THSD7A: variants seen among roughly 807,000 people sequenced by gnomAD.
THSD7A encodes the protein thrombospondin type-1 domain-containing protein 7A.
In THSD7A, 96 loss-of-function variants were observed where a neutral mutation model predicts 231.3. The ratio of observed to expected loss-of-function variants is 0.41; its 90% CI spans 0.35 to 0.49. The LOEUF (loss-of-function observed/expected upper bound fraction) is 0.49, where lower values mean the gene tolerates loss of function less well. Ranked by LOEUF, THSD7A falls within the 20% of genes least tolerant of loss-of-function variation. The pLI, the probability that THSD7A is intolerant of heterozygous loss-of-function variation, is 0.05. For synonymous variants in THSD7A, 940 were observed against 743.3 expected (o/e 1.26, Z -4.30); for missense variants, 2,290 against 2,070.2 (o/e 1.11, Z -2.06).
At chr7:11,490,717 A>C (rs1407201508) in intron 6 of THSD7A, among the ~76,000 whole-genome samples, 1 of 152,016 alleles carries the variant, frequency 6.6e-6, no homozygotes. Context: ...TAAGCTTGAA[A>C]TGACCTAAAA....
chr7:11,765,387 A>G (rs569363140), intron 1 of THSD7A, among the ~76,000 whole-genome samples: 4 of 152,226 alleles, frequency 2.6e-5, no homozygotes, highest in Non-Finnish European at 5.9e-5. Context: ...GAGATATACT[A>G]GGTGATATCC....
At chr7:11,413,306 A>T (rs552885855) in intron 17 of THSD7A, among the ~76,000 whole-genome samples, 1 of 152,076 alleles carries the variant, frequency 6.6e-6, no homozygotes, top group Admixed American at 6.5e-5. Flanking sequence ...AAAAAAAAAT[A>T]AAGTTCTAAG....
At chr7:11,617,668 G>C (rs1001891032) in intron 2 of THSD7A, among the ~76,000 whole-genome samples, 12 of 152,158 alleles carry the variant, frequency 7.9e-5, no homozygotes, top group Admixed American at 2.0e-4. Context: ...TGTTACGTTA[G>C]ATTTACCTTT....
intron 1 of THSD7A, among the ~76,000 whole-genome samples, chr7:11,768,229 C>T (rs1259295127): frequency 1.3e-5 from 2 of 152,044 alleles, no homozygotes; most frequent in Admixed American, 6.6e-5. Flanking sequence ...TTGCAAAAGA[C>T]CTTGGGCCAT....
At chr7:11,552,469 A>C (rs1789672154) in intron 4 of THSD7A, among the ~76,000 whole-genome samples, 1 of 152,104 alleles carries the variant, frequency 6.6e-6, no homozygotes, top group Non-Finnish European at 1.5e-5. Context: ...AAATAGAATA[A>C]TCAGCCACAA....
chr7:11,693,091 T>C (rs750836408), intron 1 of THSD7A, among the ~76,000 whole-genome samples: 65 of 151,682 alleles, frequency 4.3e-4, no homozygotes, highest in Admixed American at 7.3e-4. Flanking sequence ...ATGAAATGAA[T>C]GAACTTTTCA....
At chr7:11,547,318 A>T (rs931926766) in intron 4 of THSD7A, among the ~76,000 whole-genome samples, 7 of 152,228 alleles carry the variant, frequency 4.6e-5, no homozygotes, top group African/African-American at 1.7e-4. Context: ...CCTTGAATAT[A>T]AATAGGCTAA....
intron 1 of THSD7A, among the ~76,000 whole-genome samples, chr7:11,693,618 C>T (rs1369419962): frequency 6.6e-6 from 1 of 151,434 alleles, no homozygotes; most frequent in South Asian, 2.1e-4. Flanking sequence ...AAGTAGTGGG[C>T]TTCGTGTCAG....
intron 2 of THSD7A, among the ~76,000 whole-genome samples, chr7:11,627,743 G>A (rs1409089089): frequency 6.6e-6 from 1 of 152,042 alleles, no homozygotes; most frequent in Non-Finnish European, 1.5e-5. Flanking sequence ...TTATAATTTT[G>A]GTCAGACCAG....
At chr7:11,420,020 A>T (rs376894321) in intron 16 of THSD7A, among the ~76,000 whole-genome samples, 1 of 152,208 alleles carries the variant, frequency 6.6e-6, no homozygotes, top group Admixed American at 6.5e-5. Context: ...TTATTTGGAT[A>T]AACAAGTAAA....
intron 1 of THSD7A, among the ~76,000 whole-genome samples, chr7:11,670,887 G>A (rs900594901): frequency 7.9e-5 from 12 of 152,102 alleles, no homozygotes; most frequent in African/African-American, 2.4e-4. Context: ...AACACCTTTG[G>A]CTAAATGCTT....
chr7:11,461,990 G>C, intron 10 of THSD7A, 21 bp downstream of exon 10: 1 of 1,609,098 alleles, frequency 6.2e-7, no homozygotes, highest in Non-Finnish European at 8.5e-7. Flanking sequence ...CCTCCCTCAC[G>C]ATGCATTTCT....
Position 11,589,049 on chromosome 7 carries a change from G to C in THSD7A, c.1453+1411C>G, listed in dbSNP as rs1780043746. Among the ~76,000 whole-genome samples, 4 of 151,968 alleles carry C rather than the reference G, an allele frequency of 2.6e-5. 1 individual carries two copies. In the South Asian group the frequency reaches 8.3e-4, roughly 32 times the overall value. On this transcript the variant is annotated intron_variant, in intron 4 of 27. Transcript: ENST00000423059. The stretch of plus-strand genomic sequence containing the variant: ...CACTGGTGTCAGTCCTTTTTGGGAG[G>C]GGCAGAGAAGCCATCTCTTCTTTGG...
At chr7:11,432,369 G>GTAGTC (rs1784502504) in intron 13 of THSD7A, among the ~76,000 whole-genome samples, 2 of 152,004 alleles carry the variant, frequency 1.3e-5, no homozygotes, top group African/African-American at 4.8e-5. Flanking sequence ...ACTTCGTATT[G>GTAGTC]TAGTCTTCAT....
chr7:11,406,580 G>C lies in THSD7A; in HGVS notation c.4063-106C>G, dbSNP rs1783590163. The C allele has an allele frequency of 1.6e-6, 2 of 1,266,248 alleles. No homozygotes were observed. The highest frequency in any genetic ancestry group is 2.1e-6 in the Non-Finnish European group (2 of 936,590). 78.4% of individuals were successfully genotyped at this position (1,266,248 alleles called of 1,614,324 possible). A position where few individuals can be genotyped will look rare whatever the true frequency, so the allele number is the denominator to read the frequency against. ...ACTGACTTTGATTTATGAACATTTA[G>C]AGAAGGATTTGAAACCCTAGGGAAG... On this transcript the variant is annotated intron_variant, in intron 21 of 27. Coordinates refer to ENST00000423059, the MANE Select transcript of THSD7A (RefSeq NM_015204.3). The surrounding 1 kb of genome is among the most constrained non-coding windows in gnomAD (Gnocchi z 4.7).
intron 6 of THSD7A, among the ~76,000 whole-genome samples, chr7:11,524,474 G>A (rs963251162): frequency 2.6e-5 from 4 of 152,116 alleles, no homozygotes; most frequent in African/African-American, 4.8e-5. Context: ...GTATTTCAAC[G>A]AACCTTTAAG....
intron 1 of THSD7A, among the ~76,000 whole-genome samples, chr7:11,733,580 A>G (rs933034724): frequency 2.6e-5 from 4 of 151,838 alleles, no homozygotes; most frequent in Non-Finnish European, 5.9e-5. Flanking sequence ...GACTGTGTAG[A>G]AAAATGCACC....
chr7:11,440,203 G>A (rs1784759527), intron 13 of THSD7A, among the ~76,000 whole-genome samples: 1 of 151,912 alleles, frequency 6.6e-6, no homozygotes, highest in African/African-American at 2.4e-5. Context: ...AATATTTTAA[G>A]CCCACTGCTG....
At chr7:11,475,054 C>T (rs1786101790) in intron 7 of THSD7A, among the ~76,000 whole-genome samples, 1 of 152,098 alleles carries the variant, frequency 6.6e-6, no homozygotes, top group Admixed American at 6.5e-5. Context: ...CAAAGGCATG[C>T]AGGCAGGTGT....
Sources: gnomAD v4.1 joint callset for allele counts (sites outside exome capture counted in the v4.1 genomes callset) on GRCh38, gnomAD v4.1.1 for gene constraint, Gnocchi (gnomAD v3.1) non-coding constraint, MANE v1.5 for transcripts, NCBI Gene and HGNC (gene_info 2026-07-23, HGNC 2026-07-21) for gene names.